The following RFWD3 variants were observed in gnomAD, a reference collection of about 807,000 sequenced individuals.
RFWD3 encodes the protein E3 ubiquitin-protein ligase RFWD3.
Under a neutral mutation model 87.7 loss-of-function variants are expected in RFWD3, and 65 were observed. The ratio of observed to expected loss-of-function variants is 0.74; its 90% confidence interval spans 0.61 to 0.91. The LOEUF is 0.91. Ranked by LOEUF, RFWD3 falls within the 40% of genes least tolerant of loss-of-function variation. The pLI, the probability that RFWD3 is intolerant of heterozygous loss-of-function variation, is 0.00. For missense variants in RFWD3, 1,078 were observed against 938.5 expected (o/e 1.15, Z -1.94); for synonymous variants, 433 against 352.8 (o/e 1.23, Z -2.55).
At chr16:74,660,643 G>C (rs748118061) in intron 2 of RFWD3, 2 of 295,630 alleles carry the variant, frequency 6.8e-6, no homozygotes, top group Admixed American at 4.7e-5. Context: ...GTAGAGACTT[G>C]CAAGTGAAGA....
chr16:74,660,742 AAC>A, intron 2 of RFWD3, 188 bp downstream of exon 2: 1 of 607,622 alleles, frequency 1.6e-6, no homozygotes, highest in Non-Finnish European at 2.8e-6. Flanking sequence ...TTCAAGGCAC[AAC>A]AGTTTAACTT....
chr16:74,650,740 G>A (rs1960497021), intron 3 of RFWD3, among the ~76,000 whole-genome samples: 1 of 152,100 alleles, frequency 6.6e-6, no homozygotes, highest in East Asian at 1.9e-4. Flanking sequence ...AGCCAGGTGT[G>A]GAGGCATGCA....
intron 12 of RFWD3, 25 bp downstream of exon 12, chr16:74,626,318 G>C: frequency 6.3e-7 from 1 of 1,595,456 alleles, no homozygotes; most frequent in Non-Finnish European, 8.6e-7. Context: ...CTTTTTATAT[G>C]AAAGTAAAAA....
Position 74,630,860 on chromosome 16 carries a change from G to C in RFWD3, c.1675C>G (p.Leu559Val). Residue 559 changes from leucine (L) to valine (V), a missense_variant, in exon 10 of 13, where the codon CTG becomes GTG. Physicochemically the swap from Leu to Val is conservative, Grantham distance 32. Transcript: ENST00000361070. ...TATACCAGAATTGAACCATTGGCCA[G>C]TCCAGCATAGATGTAGTTAGCCTCA... ...LDEANYIYAG[L>V]ANGSILVYDV... The C allele has an allele frequency of 6.2e-7, 1 of 1,614,000 alleles. No homozygotes were observed. Among genetic ancestry groups the C allele is most frequent in the Non-Finnish European group, 8.5e-7 (1 of 1,179,932 alleles).
chr16:74,631,029 C>A, intron 9 of RFWD3, 72 bp from the exon 10 acceptor site: 2 of 1,329,452 alleles, frequency 1.5e-6, no homozygotes, highest in South Asian at 2.8e-5. Flanking sequence ...TAAAGATTAT[C>A]ATTTAAATGA....
intron 2 of RFWD3, among the ~76,000 whole-genome samples, chr16:74,656,327 AAAAAG>A (rs1567585057): frequency 6.6e-6 from 1 of 151,406 alleles, no homozygotes; most frequent in African/African-American, 2.4e-5. Flanking sequence ...AAAAAAAAAA[AAAAAG>A]AAAAGAAAAG....
chr16:74,639,180 G>A (rs1318266881), intron 6 of RFWD3, among the ~76,000 whole-genome samples: 2 of 151,928 alleles, frequency 1.3e-5, no homozygotes, highest in African/African-American at 4.8e-5. Context: ...TGAGATGACC[G>A]GCACCTGCCA....
intron 12 of RFWD3, 52 bp from the exon 13 acceptor site, chr16:74,624,123 G>A: frequency 1.3e-5 from 20 of 1,576,260 alleles, no homozygotes; most frequent in Non-Finnish European, 1.7e-5. Context: ...TACACGAAGG[G>A]ACTTCCATTC....
At chr16:74,644,293 TTC>T in intron 6 of RFWD3, 67 bp downstream of exon 6, 1 of 1,493,146 alleles carries the variant, frequency 6.7e-7, no homozygotes, top group Non-Finnish European at 9.3e-7. Flanking sequence ...GACTCATAAC[TTC>T]TTTTTCAGAT....
intron 12 of RFWD3, among the ~76,000 whole-genome samples, chr16:74,625,700 C>A (rs1009808324): frequency 1.3e-5 from 2 of 152,180 alleles, no homozygotes; most frequent in African/African-American, 4.8e-5. Flanking sequence ...CAACTCCAGT[C>A]AATGAAAGTT....
chr16:74,637,055 T>C (rs975685792), intron 7 of RFWD3, among the ~76,000 whole-genome samples: 6 of 134,034 alleles, frequency 4.5e-5, no homozygotes, highest in South Asian at 2.3e-4. Context: ...GCAAGTGAAA[T>C]AAGGAGAGCA....
intron 9 of RFWD3, 118 bp from the exon 10 acceptor site, chr16:74,631,075 A>C (rs1959078840): frequency 1.3e-6 from 1 of 773,348 alleles, no homozygotes; most frequent in East Asian, 3.1e-5. Context: ...TCATACTCCC[A>C]AACTATCTGG....
intron 6 of RFWD3, among the ~76,000 whole-genome samples, chr16:74,643,566 C>T (rs1959838535): frequency 6.6e-6 from 1 of 151,778 alleles, no homozygotes; most frequent in Non-Finnish European, 1.5e-5. Context: ...TGTGTACATC[C>T]AAACCAGTAA....
intron 8 of RFWD3, among the ~76,000 whole-genome samples, chr16:74,635,090 C>T (rs1005052684): frequency 6.6e-6 from 1 of 152,010 alleles, no homozygotes; most frequent in African/African-American, 2.4e-5. Context: ...ACCATCCTGG[C>T]TAACACGGTG....
intron 1 of RFWD3, among the ~76,000 whole-genome samples, chr16:74,662,432 C>T (rs1245216296): frequency 6.6e-6 from 1 of 152,014 alleles, no homozygotes; most frequent in East Asian, 1.9e-4. Context: ...CAGATAAGAC[C>T]CCATGTATCA....
rs1383840429 is a variant in RFWD3 at position 74,632,602 on chromosome 16, T to C, written c.1498A>G (p.Ile500Val). 1 of 1,614,072 alleles carries C rather than the reference T, an allele frequency of 6.2e-7. No homozygotes were observed. Among genetic ancestry groups the C allele is most frequent in the Non-Finnish European group, 8.5e-7 (1 of 1,180,012 alleles). The change falls in exon 9 of 13, where the codon ATC becomes GTC. Residue 500 changes from isoleucine (I) to valine (V), a missense_variant. By Grantham distance (29) the Ile-to-Val change is conservative (BLOSUM62 3). Transcript: ENST00000361070. Reference sequence around the variant, plus strand: ...TAACTGCTAAACGCCAGTCCACGGATCTGTTTGCCATGCATCGGAATGTAC... The same window carrying C: ...TAACTGCTAAACGCCAGTCCACGGACCTGTTTGCCATGCATCGGAATGTAC... ...SQYIPMHGKQ[I>V]RGLAFSSYLR...
chr16:74,652,655 T>C (rs1960655561), intron 2 of RFWD3, among the ~76,000 whole-genome samples: 1 of 152,226 alleles, frequency 6.6e-6, no homozygotes, highest in Non-Finnish European at 1.5e-5. Flanking sequence ...ACATAAATGA[T>C]AATATGGCAT....
In RFWD3 at chr16:74,628,592, C is replaced by G. The variant is rs1959003971; in HGVS notation, c.1829G>C (p.Gly610Ala). Residue 610 changes from glycine (G) to alanine (A), a missense_variant, in exon 11 of 13, where the codon GGA (glycine) becomes GCA (alanine). Physicochemically the swap from Gly to Ala is moderately conservative, Grantham distance 60 (BLOSUM62 0). Coordinates refer to ENST00000361070, the MANE Select transcript of RFWD3 (RefSeq NM_018124.4). ...CCAGAATGAAGCATCCTCCAAGGTT[C>G]CAGCCAGCACCCCACCATATGGAAA... ...AAFPYGGVLAGTLEDASFWEQ... is the reference protein window; with the variant it reads ...AAFPYGGVLAATLEDASFWEQ... 3.1e-6 allele frequency: 5 copies of G among 1,614,192 alleles called. No individual in the cohort carries two copies. In the East Asian group the frequency reaches 1.1e-4, roughly 36 times the overall value.
intron 1 of RFWD3, among the ~76,000 whole-genome samples, chr16:74,663,489 C>T (rs1021037291): frequency 6.6e-6 from 1 of 152,048 alleles, no homozygotes; most frequent in African/African-American, 2.4e-5. Context: ...AAAGCAGTTT[C>T]CCTGAAGTGG....
Sources: allele counts gnomAD v4.1 joint callset (sites outside exome capture counted in the v4.1 genomes callset), GRCh38; gene constraint gnomAD v4.1.1; transcripts MANE v1.5; gene names NCBI Gene and HGNC (gene_info 2026-07-23, HGNC 2026-07-21).